CHAF1A: variants seen among roughly 807,000 people sequenced by gnomAD.
The protein encoded by CHAF1A is chromatin assembly factor 1 subunit A.
A neutral mutation model predicts 93.2 loss-of-function variants in CHAF1A; 5 were observed. The ratio of observed to expected loss-of-function variants is 0.05; its 90% CI spans 0.03 to 0.11. CHAF1A has a LOEUF of 0.11. Among genes scored for constraint, CHAF1A ranks in the 10% least tolerant of loss-of-function variants. The pLI, the probability that CHAF1A is intolerant of heterozygous loss-of-function variation, is 1.00. For synonymous variants in CHAF1A, 504 were observed against 510.3 expected (o/e 0.99, Z 0.17); for missense variants, 1,102 against 1,259.9 (o/e 0.87, Z 1.90).
chr19:4,445,990 G>A, downstream of CHAF1A: 1 of 1,542,750 alleles, frequency 6.5e-7, no homozygotes, highest in Non-Finnish European at 8.7e-7. Flanking sequence ...GTCTGTGCCG[G>A]TCCCAGGAGA....
intron 13 of CHAF1A, among the ~76,000 whole-genome samples, chr19:4,439,633 T>C (rs1974350237): frequency 6.6e-6 from 1 of 152,242 alleles, no homozygotes; most frequent in Admixed American, 6.5e-5. Flanking sequence ...GAAATTGGCA[T>C]GTTCTTTTGT....
At chr19:4,411,696 G>A (rs1233634282) in intron 3 of CHAF1A, among the ~76,000 whole-genome samples, 2 of 117,834 alleles carry the variant, frequency 1.7e-5, no homozygotes, top group Non-Finnish European at 3.4e-5. Context: ...CGCCCAGGCT[G>A]GAGGGCAATG....
At chr19:4,447,126 G>A (rs1253251512), downstream of CHAF1A, 1 of 607,872 alleles carries the variant, frequency 1.6e-6, no homozygotes, top group Admixed American at 2.9e-5. Flanking sequence ...TCTGCACAGA[G>A]GAAAGAGTCA....
At chr19:4,442,653 A>G (rs985787738) in intron 14 of CHAF1A, among the ~76,000 whole-genome samples, 2 of 152,170 alleles carry the variant, frequency 1.3e-5, no homozygotes, top group Non-Finnish European at 2.9e-5. Context: ...TTTCTGGAGC[A>G]CTCGCCAAAG....
chr19:4,439,768 C>A (rs1974352665), intron 13 of CHAF1A, among the ~76,000 whole-genome samples: 1 of 152,240 alleles, frequency 6.6e-6, no homozygotes, highest in Non-Finnish European at 1.5e-5. Context: ...GTAGGCCAGG[C>A]TCAGTGGCTC....
chr19:4,424,512 G>A (rs752927054), intron 7 of CHAF1A, among the ~76,000 whole-genome samples: 28 of 152,218 alleles, frequency 1.8e-4, no homozygotes, highest in Non-Finnish European at 3.2e-4. Context: ...CACCCAGGCT[G>A]TAGTGCAGTT....
downstream of CHAF1A, among the ~76,000 whole-genome samples, chr19:4,444,245 G>A (rs953000568): frequency 5.3e-5 from 8 of 152,192 alleles, no homozygotes; most frequent in South Asian, 2.1e-4. Context: ...TCAGGGGCAC[G>A]AGCATAGGCC....
In CHAF1A at chr19:4,429,445, G is replaced by A. The variant is rs1004681499; in HGVS notation, c.1612G>A (p.Val538Ile). The change falls in exon 9 of 15, where the codon GTC becomes ATC. Residue 538 changes from valine (V) to isoleucine (I), a missense_variant. Coordinates refer to ENST00000301280, the MANE Select transcript of CHAF1A (RefSeq NM_005483.3). ...TGGGGTTTTCCTTCTCAGTGATGTC[G>A]TCATCGTGGAGCGTGGGAAGGGCGA... ...RNADIFNSDV[V>I]IVERGKGDGV... The A allele has an allele frequency of 5.0e-6, 8 of 1,613,732 alleles. No individual in the cohort carries two copies. The highest frequency in any genetic ancestry group is 4.5e-5 in the East Asian group (2 of 44,880).
At chr19:4,447,712 C>A, downstream of CHAF1A, 2 of 1,368,020 alleles carry the variant, frequency 1.5e-6, no homozygotes, top group Middle Eastern at 1.8e-4. Context: ...AACAGCAGCT[C>A]AGCCACACTT....
At position 4,432,005 on chromosome 19, in the gene CHAF1A, G is replaced by C; in HGVS notation, c.2001G>C (p.Glu667Asp). The change falls in exon 12 of 15, where the codon GAG becomes GAC. Residue 667 changes from glutamate (E) to aspartate (D), a missense_variant. Transcript: ENST00000301280. ...HKVRQKLKAK[E>D]WDEFLAKGKR... ...TCCGCCAGAAACTGAAGGCCAAGGAGTGGGACGAGTTCCTGGCTAAGGGGA... is the reference window on the plus strand; with the variant it reads ...TCCGCCAGAAACTGAAGGCCAAGGACTGGGACGAGTTCCTGGCTAAGGGGA... 1 of 1,614,142 alleles carries C rather than the reference G, an allele frequency of 6.2e-7. No homozygotes were observed. The highest frequency in any genetic ancestry group is 8.5e-7 in the Non-Finnish European group (1 of 1,179,972).
At chr19:4,448,398 T>G (rs1475892912), downstream of CHAF1A, 2 of 1,581,868 alleles carry the variant, frequency 1.3e-6, no homozygotes, top group East Asian at 2.3e-5. Context: ...AGGCGGCCAC[T>G]GGGTCGGTGG....
intron 7 of CHAF1A, 93 bp downstream of exon 7, chr19:4,423,967 CATT>C: frequency 8.2e-7 from 1 of 1,223,760 alleles, no homozygotes; most frequent in East Asian, 2.3e-5. Flanking sequence ...CAGCTTCTCT[CATT>C]AGGAGGGAGG....
chr19:4,442,777 A>G (rs543238124), intron 14 of CHAF1A, 148 bp from the exon 15 acceptor site: 49 of 612,270 alleles, frequency 8.0e-5, no homozygotes, highest in Non-Finnish European at 1.3e-4. Context: ...AAGAGGCACA[A>G]CGCCCCAGCC....
chr19:4,402,758 G>A lies in CHAF1A; in HGVS notation c.-5G>A. On this transcript the variant is annotated 5_prime_UTR_variant, in exon 1 of 15. Coordinates refer to ENST00000301280, the MANE Select transcript of CHAF1A (RefSeq NM_005483.3). ...CTGAGAGGAGGTCGAGCTGCCGCCGGGGCGATGCTGGAGGAGCTGGAGTGC... is the reference window on the plus strand; with the variant it reads ...CTGAGAGGAGGTCGAGCTGCCGCCGAGGCGATGCTGGAGGAGCTGGAGTGC... 1 of 1,203,468 alleles carries A rather than the reference G, an allele frequency of 8.3e-7. No homozygotes were observed. The highest frequency in any genetic ancestry group is 1.0e-6 in the Non-Finnish European group (1 of 969,528). 74.5% of individuals were successfully genotyped at this position (1,203,468 alleles called of 1,614,324 possible).
At position 4,429,276 on chromosome 19, in the gene CHAF1A, A is replaced by G. The variant is rs924374984; in HGVS notation, c.1605-162A>G. On this transcript the variant is annotated intron_variant, in intron 8 of 14. Transcript: ENST00000301280. ...TGCACCCTCCTCCATCTGTCCCTTC[A>G]GTCCATGTTCCTGACCTTTCTTTGG... The G allele has an allele frequency of 3.8e-6, 3 of 785,660 alleles. No individual in the cohort carries two copies. In the African/African-American group the frequency reaches 5.2e-5, roughly 14 times the overall value. 48.7% of individuals were successfully genotyped at this position (785,660 alleles called of 1,614,324 possible).
chr19:4,410,057 G>A (rs1229286091), intron 3 of CHAF1A, among the ~76,000 whole-genome samples: 1 of 152,180 alleles, frequency 6.6e-6, no homozygotes, highest in African/African-American at 2.4e-5. Context: ...CCGTTTTAGG[G>A]AATTAGGATC....
At chr19:4,430,675 C>T in intron 11 of CHAF1A, 34 bp downstream of exon 11, 1 of 1,611,796 alleles carries the variant, frequency 6.2e-7, no homozygotes, top group Non-Finnish European at 8.5e-7. Context: ...ACCGGCTCAG[C>T]AAAAGTTCAT....
intron 8 of CHAF1A, 178 bp downstream of exon 8, chr19:4,429,068 C>G: frequency 1.6e-6 from 1 of 606,490 alleles, no homozygotes. Context: ...CCTGTAAGCT[C>G]CTGAAGTCTT....
At chr19:4,447,618 C>G, downstream of CHAF1A, 1 of 1,613,878 alleles carries the variant, frequency 6.2e-7, no homozygotes, top group East Asian at 2.2e-5. Context: ...TGGATGTTGT[C>G]CAGGTACCTG....
Sources: gnomAD v4.1 joint callset for allele counts (sites outside exome capture counted in the v4.1 genomes callset) on GRCh38, gnomAD v4.1.1 for gene constraint, MANE v1.5 for transcripts, NCBI Gene and HGNC (gene_info 2026-07-23, HGNC 2026-07-21) for gene names.